The following PARD3 variants were observed in gnomAD, a reference collection of about 807,000 sequenced individuals.
PARD3 encodes par-3 family cell polarity regulator.
In PARD3, 75 loss-of-function variants were observed where a neutral mutation model predicts 155.4. The ratio of observed to expected loss-of-function variants is 0.48; its 90% CI spans 0.40 to 0.58. The LOEUF (loss-of-function observed/expected upper bound fraction) is 0.58. Among genes scored for constraint, PARD3 ranks in the 20% least tolerant of loss-of-function variants. PARD3 has a pLI of 0.00. For missense variants in PARD3, 1,642 were observed against 1,721.7 expected (o/e 0.95, Z 0.82); for synonymous variants, 576 against 610.5 (o/e 0.94, Z 0.83).
intron 4 of PARD3, among the ~76,000 whole-genome samples, chr10:34,461,727 G>A (rs917432909): frequency 9.9e-5 from 15 of 152,158 alleles, no homozygotes; most frequent in African/African-American, 3.6e-4. Context: ...ATACTTCCTG[G>A]TTCTCTCCCC....
intron 1 of PARD3, among the ~76,000 whole-genome samples, chr10:34,732,136 G>A (rs1391253682): frequency 6.6e-6 from 1 of 152,034 alleles, no homozygotes; most frequent in Non-Finnish European, 1.5e-5. Context: ...ATTGAGATAT[G>A]CACTCTTTCA....
At chr10:34,209,229 G>A (rs1297578435) in intron 22 of PARD3, among the ~76,000 whole-genome samples, 1 of 152,170 alleles carries the variant, frequency 6.6e-6, no homozygotes, top group Non-Finnish European at 1.5e-5. Context: ...CTGGTTGTTT[G>A]AATGAGAAAC....
chr10:34,406,780 CAGAGA>C (rs1333946801), intron 5 of PARD3, among the ~76,000 whole-genome samples: 1 of 148,562 alleles, frequency 6.7e-6, no homozygotes, highest in Non-Finnish European at 1.5e-5. Context: ...AAAATATATA[CAGAGA>C]AAACAAAGCA....
At chr10:34,414,223 A>T (rs1175920296) in intron 5 of PARD3, among the ~76,000 whole-genome samples, 1 of 138,774 alleles carries the variant, frequency 7.2e-6, no homozygotes, top group Non-Finnish European at 1.6e-5. Context: ...CCTCGCTCTT[A>T]AAAAAAAAAA....
intron 20 of PARD3, chr10:34,312,363 C>T (rs769644141): frequency 4.9e-5 from 79 of 1,612,452 alleles, no homozygotes; most frequent in Middle Eastern, 3.3e-4. Context: ...CATCTCTTCT[C>T]GGGCTTCAGT....
chr10:34,112,093 A>G (rs1946413479), intron 24 of PARD3, among the ~76,000 whole-genome samples: 1 of 152,034 alleles, frequency 6.6e-6, no homozygotes, highest in Non-Finnish European at 1.5e-5. Context: ...TTAAGTCTAG[A>G]CTCCTTTATG....
intron 19 of PARD3, among the ~76,000 whole-genome samples, chr10:34,320,970 T>G (rs1228316194): frequency 6.6e-6 from 1 of 152,240 alleles, no homozygotes; most frequent in East Asian, 1.9e-4. Context: ...AAGATGTTCT[T>G]TTAAAGTACT....
At chr10:34,591,877 C>T (rs1249764669) in intron 2 of PARD3, among the ~76,000 whole-genome samples, 1 of 152,164 alleles carries the variant, frequency 6.6e-6, no homozygotes, top group East Asian at 1.9e-4. Context: ...GATGAGCCAA[C>T]ACAATCATGA....
At chr10:34,597,260 T>C (rs2134432457) in intron 2 of PARD3, among the ~76,000 whole-genome samples, 1 of 152,084 alleles carries the variant, frequency 6.6e-6, no homozygotes, top group African/African-American at 2.4e-5. Context: ...CCTCCTCCTT[T>C]AGTATAATTT....
At chr10:34,718,262 T>A (rs1028735120) in intron 1 of PARD3, among the ~76,000 whole-genome samples, 1 of 151,684 alleles carries the variant, frequency 6.6e-6, no homozygotes, top group African/African-American at 2.4e-5. Context: ...AGTACATGAA[T>A]TGAGAAAATA....
At chr10:34,742,289 G>C (rs1349198986) in intron 1 of PARD3, among the ~76,000 whole-genome samples, 2 of 151,684 alleles carry the variant, frequency 1.3e-5, no homozygotes, top group Non-Finnish European at 2.9e-5. Context: ...CCAATGTAAG[G>C]GGGGGACCAA....
intron 1 of PARD3, among the ~76,000 whole-genome samples, chr10:34,811,963 T>C (rs1315614540): frequency 6.6e-6 from 1 of 152,206 alleles, no homozygotes; most frequent in African/African-American, 2.4e-5. Flanking sequence ...TGGATGAGGA[T>C]GAACAGCTAT....
chr10:34,682,555 G>A (rs975780454), intron 2 of PARD3, among the ~76,000 whole-genome samples: 1 of 151,986 alleles, frequency 6.6e-6, no homozygotes, highest in Admixed American at 6.6e-5. Flanking sequence ...TTGTTTGCTC[G>A]CTTGTTTTTA....
intron 2 of PARD3, among the ~76,000 whole-genome samples, chr10:34,597,867 C>G (rs1378381450): frequency 6.6e-6 from 1 of 152,128 alleles, no homozygotes; most frequent in Non-Finnish European, 1.5e-5. Context: ...AGCAATTAAG[C>G]CTTAAATATC....
At chr10:34,758,784 T>A (rs1217940586) in intron 1 of PARD3, among the ~76,000 whole-genome samples, 1 of 152,200 alleles carries the variant, frequency 6.6e-6, no homozygotes, top group Non-Finnish European at 1.5e-5. Flanking sequence ...AAGCCCACCC[T>A]GTGAAAGGGC....
intron 18 of PARD3, among the ~76,000 whole-genome samples, chr10:34,332,266 C>A (rs1215155840): frequency 6.6e-6 from 1 of 152,074 alleles, no homozygotes; most frequent in South Asian, 2.1e-4. Context: ...TTTCTTTAAC[C>A]AGGTAAGACA....
chr10:34,778,517 C>A (rs1246248025), intron 1 of PARD3, among the ~76,000 whole-genome samples: 4 of 152,156 alleles, frequency 2.6e-5, no homozygotes, highest in African/African-American at 9.7e-5. Flanking sequence ...ATCAGGCCAA[C>A]AGAGCATTTT....
At chr10:34,522,958 A>G (rs915576450) in intron 2 of PARD3, among the ~76,000 whole-genome samples, 7 of 152,226 alleles carry the variant, frequency 4.6e-5, no homozygotes, top group African/African-American at 1.7e-4. Context: ...CTGGCAGGCT[A>G]CAAACTAAGA....
chr10:34,400,338 T>G (rs1283402569), intron 6 of PARD3, among the ~76,000 whole-genome samples: 1 of 152,302 alleles, frequency 6.6e-6, no homozygotes, highest in Middle Eastern at 3.4e-3. Flanking sequence ...TAACGTTACA[T>G]AATGTATGGA....
Sources: allele counts gnomAD v4.1 joint callset (sites outside exome capture counted in the v4.1 genomes callset), GRCh38; gene constraint gnomAD v4.1.1; transcripts MANE v1.5; gene names NCBI Gene and HGNC (gene_info 2026-07-23, HGNC 2026-07-21).